TSPEAR: variants seen among roughly 807,000 people sequenced by gnomAD.
The protein encoded by TSPEAR is thrombospondin-type laminin G domain and EAR repeat-containing protein.
In TSPEAR, 69 loss-of-function variants were observed where a neutral mutation model predicts 71.6. The ratio of observed to expected loss-of-function variants is 0.96; its 90% CI spans 0.79 to 1.18. The LOEUF is 1.18. TSPEAR is among the 50% of genes most tolerant of loss of function. The pLI is 0.00. For missense variants in TSPEAR, 971 were observed against 894.9 expected (o/e 1.09, Z -1.09); for synonymous variants, 402 against 387.2 (o/e 1.04, Z -0.45).
chr21:44,601,680 A>C (rs782219309), intron 1 of TSPEAR: 2 of 1,612,264 alleles, frequency 1.2e-6, no homozygotes, highest in Non-Finnish European at 8.5e-7. Context: ...GCCGCCCCGC[A>C]TGCTCCCGCC....
At chr21:44,566,320 A>G (rs190305660) in intron 2 of TSPEAR, among the ~76,000 whole-genome samples, 1 of 152,302 alleles carries the variant, frequency 6.6e-6, no homozygotes, top group African/African-American at 2.4e-5. Context: ...TACTCTGAAA[A>G]CTATAAAACA....
intron 1 of TSPEAR, among the ~76,000 whole-genome samples, chr21:44,690,902 C>T (rs1398368178): frequency 1.2e-4 from 18 of 152,278 alleles, no homozygotes; most frequent in Admixed American, 9.1e-4. Flanking sequence ...TATGCACCAC[C>T]ATGCCAGGCT....
intron 1 of TSPEAR, chr21:44,627,428 A>G (rs1313754861): frequency 3.7e-6 from 6 of 1,613,558 alleles, no homozygotes; most frequent in South Asian, 3.3e-5. Flanking sequence ...TCTAGCTGCC[A>G]GCCGGCTTAC....
At chr21:44,677,289 C>T in intron 1 of TSPEAR, 1 of 805,892 alleles carries the variant, frequency 1.2e-6, no homozygotes, top group South Asian at 1.5e-5. Flanking sequence ...CTTCAACGCA[C>T]CTTGCACTGT....
Position 44,652,488 on chromosome 21 carries a change from TGA to T in TSPEAR, c.82+58943_82+58944del, listed in dbSNP as rs587672195. On this transcript the variant is annotated intron_variant, in intron 1 of 11. Transcript: ENST00000323084. ...CTGAGTCTCTGACCTCCCACTTGGT[TGA>T]GAGTCCTGAGTTGTATTCAGTTAGT... is the stretch of plus-strand genomic sequence containing the variant. 3.4e-3 allele frequency among the ~76,000 whole-genome samples: 512 copies of T among 152,292 alleles called. 3 individuals carry two copies. Among genetic ancestry groups the T allele is most frequent in the Middle Eastern group, 6.8e-3 (2 of 294 alleles).
At chr21:44,532,097 C>A (rs1207435010) in intron 3 of TSPEAR, among the ~76,000 whole-genome samples, 1 of 152,240 alleles carries the variant, frequency 6.6e-6, no homozygotes, top group Admixed American at 6.5e-5. Context: ...GGCCCCCAAG[C>A]CCTGGCCTGT....
chr21:44,542,106 G>A (rs1390376853), intron 2 of TSPEAR, among the ~76,000 whole-genome samples: 1 of 152,192 alleles, frequency 6.6e-6, no homozygotes, highest in Non-Finnish European at 1.5e-5. Flanking sequence ...GAATTTCAGT[G>A]TCAAACTGGA....
At chr21:44,591,249 G>C (rs1233101270) in intron 1 of TSPEAR, 5 of 1,446,044 alleles carry the variant, frequency 3.5e-6, no homozygotes, top group Non-Finnish European at 4.6e-6. Context: ...GGGAAGGACA[G>C]GGGGAGCATC....
chr21:44,534,933 TAGTC>T (rs587643287), intron 2 of TSPEAR, among the ~76,000 whole-genome samples: 161 of 152,288 alleles, frequency 1.1e-3, no homozygotes, highest in African/African-American at 2.0e-3. Context: ...AGTGGAATAT[TAGTC>T]AGCCATAAAG....
rs587633817 is a variant in TSPEAR, at chr21:44,539,845, G to A, written c.304-5922C>T. ...GGCAGCACACAGGCTTGCAGCAGAC[G>A]GGCACGCAGCAGGCCTGCTGGCAGG... On this transcript the variant is annotated intron_variant, in intron 2 of 11. Coordinates refer to ENST00000323084, the MANE Select transcript of TSPEAR (RefSeq NM_144991.3). The A allele has an allele frequency of 9.2e-5, 145 of 1,576,008 alleles. No individual in the cohort carries two copies. In the East Asian group the frequency reaches 2.5e-3, roughly 27 times the overall value.
intron 1 of TSPEAR, among the ~76,000 whole-genome samples, chr21:44,699,590 C>T (rs1291025651): frequency 1.3e-5 from 2 of 152,106 alleles, no homozygotes; most frequent in Non-Finnish European, 2.9e-5. Context: ...TCAGGTCGCT[C>T]TCCCTCTGTC....
chr21:44,505,477 C>CTTAATGAA (rs2052171273), intron 10 of TSPEAR, among the ~76,000 whole-genome samples: 1 of 149,006 alleles, frequency 6.7e-6, no homozygotes, highest in Admixed American at 6.9e-5. Flanking sequence ...ATTCATACTG[C>CTTAATGAA]TGTGTGGCCG....
intron 1 of TSPEAR, chr21:44,647,545 A>G (rs781909831): frequency 4.2e-6 from 3 of 710,958 alleles, no homozygotes; most frequent in Non-Finnish European, 7.0e-6. Flanking sequence ...CAAATCCCTC[A>G]GCAGGTGGAC....
chr21:44,611,426 G>T (rs1981662258), intron 1 of TSPEAR, among the ~76,000 whole-genome samples: 1 of 151,726 alleles, frequency 6.6e-6, no homozygotes, highest in Non-Finnish European at 1.5e-5. Flanking sequence ...CACCATGTAA[G>T]AAGTGCCTGT....
chr21:44,621,395 T>C (rs1982423867), intron 1 of TSPEAR, among the ~76,000 whole-genome samples: 1 of 152,236 alleles, frequency 6.6e-6, no homozygotes, highest in South Asian at 2.1e-4. Flanking sequence ...TGATATATCT[T>C]ATTGATGGAT....
At position 44,687,372 on chromosome 21, in the gene TSPEAR, C is replaced by T. The variant is rs536638336; in HGVS notation, c.82+24061G>A. ...CCCACTGTATCATAACAGAAAAAACCGGAACGGCCCATGTGCCCATTAGCT... is the reference window on the plus strand; with the variant it reads ...CCCACTGTATCATAACAGAAAAAACTGGAACGGCCCATGTGCCCATTAGCT... On this transcript the variant is annotated intron_variant, in intron 1 of 11. Coordinates refer to ENST00000323084, the MANE Select transcript of TSPEAR (RefSeq NM_144991.3). The surrounding 1 kb of genome is among the most constrained non-coding windows in gnomAD (Gnocchi z 4.4). 1.1e-3 allele frequency among the ~76,000 whole-genome samples: 162 copies of T among 152,230 alleles called. 1 individual carries two copies. Among genetic ancestry groups the T allele is most frequent in the South Asian group, 3.7e-3 (18 of 4,818 alleles).
chr21:44,691,790 A>T (rs895164857), intron 1 of TSPEAR, among the ~76,000 whole-genome samples: 31 of 152,216 alleles, frequency 2.0e-4, no homozygotes, highest in African/African-American at 7.0e-4. Context: ...ACATTTTTTT[A>T]AAATTTAACA....
At chr21:44,638,814 T>C (rs1983841074) in intron 1 of TSPEAR, among the ~76,000 whole-genome samples, 2 of 151,202 alleles carry the variant, frequency 1.3e-5, no homozygotes, top group South Asian at 4.2e-4. Context: ...ACATTCACCC[T>C]CCCCAGCTCC....
chr21:44,635,055 G>C (rs1983463084), intron 1 of TSPEAR, among the ~76,000 whole-genome samples: 1 of 152,090 alleles, frequency 6.6e-6, no homozygotes, highest in Admixed American at 6.6e-5. Context: ...GTACAAGAAT[G>C]TTTATAGGGC....
Sources: allele counts gnomAD v4.1 joint callset (sites outside exome capture counted in the v4.1 genomes callset), GRCh38; gene constraint gnomAD v4.1.1; non-coding constraint Gnocchi (gnomAD v3.1); transcripts MANE v1.5; gene names NCBI Gene and HGNC (gene_info 2026-07-23, HGNC 2026-07-21).